Variants in CEACAM18 observed in about 807,000 individuals in gnomAD.
CEACAM18 encodes the protein CEA cell adhesion molecule 18.
CEACAM18 carries 33 observed loss-of-function variants against 34.3 expected under a neutral mutation model. That is an observed-to-expected ratio of 0.96 (90% CI 0.73 to 1.29). The LOEUF (loss-of-function observed/expected upper bound fraction) is 1.29, where lower values mean the gene tolerates loss of function less well. Among genes scored for constraint, CEACAM18 ranks in the 50% most tolerant of loss-of-function variants. CEACAM18 has a pLI of 0.00. For synonymous variants in CEACAM18, 169 were observed against 180.9 expected (o/e 0.93, Z 0.53); for missense variants, 474 against 485.0 (o/e 0.98, Z 0.21).
chr19:51,480,246 C>T (rs535943751), intron 1 of CEACAM18, 87 bp from the exon 2 acceptor site: 2 of 1,130,532 alleles, frequency 1.8e-6, no homozygotes, highest in South Asian at 3.2e-5. Flanking sequence ...GGAATCGTTC[C>T]CGGATGGTGT....
At chr19:51,486,743 A>C (rs1469027749) in intron 5 of CEACAM18, among the ~76,000 whole-genome samples, 1 of 130,762 alleles carries the variant, frequency 7.6e-6, no homozygotes, top group Admixed American at 8.2e-5. Flanking sequence ...TTTTATATGG[A>C]GTCTCTCTCT....
chr19:51,488,806 C>A (rs890410322), intron 5 of CEACAM18, among the ~76,000 whole-genome samples: 4 of 152,046 alleles, frequency 2.6e-5, no homozygotes, highest in African/African-American at 9.7e-5. Flanking sequence ...AGAGCAGGGC[C>A]ATTTCTGTTT....
At chr19:51,480,710 C>A (rs371737497) in intron 2 of CEACAM18, 30 bp downstream of exon 2, 76 of 1,570,184 alleles carry the variant, frequency 4.8e-5, no homozygotes, top group Non-Finnish European at 6.4e-5. Flanking sequence ...GTTTCCCAAC[C>A]CCCAAGGAGA....
chr19:51,489,727 C>T (rs1990059217), intron 5 of CEACAM18, among the ~76,000 whole-genome samples: 1 of 152,168 alleles, frequency 6.6e-6, no homozygotes, highest in Non-Finnish European at 1.5e-5. Context: ...TGGTCCAAAC[C>T]TCACAGGGAT....
chr19:51,490,563 T>G (rs764426702), intron 5 of CEACAM18, 24 bp from the exon 6 acceptor site: 13 of 1,232,198 alleles, frequency 1.1e-5, no homozygotes, highest in Non-Finnish European at 1.3e-5. Context: ...GAGATGTGGC[T>G]TCTTCCCTGA....
chr19:51,486,529 A>G (rs1435528188), intron 5 of CEACAM18, among the ~76,000 whole-genome samples: 1 of 151,036 alleles, frequency 6.6e-6, no homozygotes, highest in African/African-American at 2.4e-5. Context: ...AGCCGATGGA[A>G]CTACTTGAGC....
chr19:51,481,844 C>T (rs761051663), intron 3 of CEACAM18, among the ~76,000 whole-genome samples, 179 bp downstream of exon 3: 18 of 152,290 alleles, frequency 1.2e-4, no homozygotes, highest in Admixed American at 2.0e-4. Flanking sequence ...GGGAGCTGCC[C>T]CTGCTACTCA....
exon 4 of CEACAM18, chr19:51,483,163 C>G (rs61746192): frequency 1.2e-6 from 2 of 1,613,888 alleles, no homozygotes; most frequent in African/African-American, 2.7e-5. Flanking sequence ...TGGCTCCCTC[C>G]TGAACTTCTC....
chr19:51,487,514 C>G (rs1990026193), intron 5 of CEACAM18, among the ~76,000 whole-genome samples: 1 of 151,884 alleles, frequency 6.6e-6, no homozygotes, highest in African/African-American at 2.4e-5. Flanking sequence ...AGCCTGTAAT[C>G]CCAGCATGTT....
At position 51,483,406 on chromosome 19, in the gene CEACAM18, C is replaced by G. The variant is rs566218546; in HGVS notation, c.953+110C>G. ...CACCTCCACTGTGCCATGACATGCT[C>G]TCAACCTCTGGGTGAAATCTCCCAG... On this transcript the variant is annotated intron_variant, in intron 4 of 5. Transcript: ENST00000396477. The G allele has an allele frequency of 2.1e-4, 285 of 1,331,032 alleles. 3 individuals carry two copies. In the South Asian group the frequency reaches 2.5e-3, roughly 12 times the overall value. The allele number at this position is 1,331,032 out of a possible 1,614,324, so 82.5% of individuals were successfully genotyped here. A position where few individuals can be genotyped will look rare whatever the true frequency, so the allele number is the denominator to read the frequency against.
Position 51,481,146 on chromosome 19 carries a change from T to C in CEACAM18, c.401-247T>C, listed in dbSNP as rs150655793. ...TCAGAAACAATGATTAGGCCACATGTTTATGCCAAGAGCTCACCATTATGG... is the reference window on the plus strand; with the variant it reads ...TCAGAAACAATGATTAGGCCACATGCTTATGCCAAGAGCTCACCATTATGG... On this transcript the variant is annotated intron_variant, in intron 2 of 5. Transcript: ENST00000396477. 3.2e-3 allele frequency among the ~76,000 whole-genome samples: 488 copies of C among 152,292 alleles called. 13 individuals carry two copies. Among genetic ancestry groups the C allele is most frequent in the Admixed American group, 0.028 (433 of 15,308 alleles).
rs767506402 is a variant in CEACAM18, at chr19:51,481,746, G to A, written c.673+81G>A. The A allele has an allele frequency of 4.9e-6, 7 of 1,421,280 alleles. No individual in the cohort carries two copies. The South Asian group carries it at 5.7e-5, about 12-fold the overall frequency. The allele number at this position is 1,421,280 out of a possible 1,614,324, so 88.0% of individuals were successfully genotyped here. A position where few individuals can be genotyped will look rare whatever the true frequency, so the allele number is the denominator to read the frequency against. ...GGATAGGAATATGTTAGGACAGGCT[G>A]AGCTGGAGAGAGGGGGCATCCTGGG... On this transcript the variant is annotated intron_variant, in intron 3 of 5. Coordinates refer to ENST00000396477, the Ensembl canonical transcript of CEACAM18.
chr19:51,480,649 C>A (rs774668788), exon 2 of CEACAM18: 87 of 1,613,020 alleles, frequency 5.4e-5, no homozygotes, highest in Non-Finnish European at 7.0e-5. Context: ...GCAATGAGAC[C>A]CAAAGAGCAA....
intron 5 of CEACAM18, among the ~76,000 whole-genome samples, chr19:51,489,120 G>T (rs994473972): frequency 6.7e-6 from 1 of 148,722 alleles, no homozygotes; most frequent in Non-Finnish European, 1.5e-5. Context: ...ACTGAATGAG[G>T]GACAAATGAA....
intron 3 of CEACAM18, 93 bp downstream of exon 3, chr19:51,481,758 G>T: frequency 7.4e-7 from 1 of 1,355,128 alleles, no homozygotes; most frequent in African/African-American, 1.5e-5. Context: ...GCTGGAGAGA[G>T]GGGGCATCCT....
chr19:51,481,705 T>A, intron 3 of CEACAM18, 40 bp downstream of exon 3: 1 of 1,580,726 alleles, frequency 6.3e-7, no homozygotes, highest in Non-Finnish European at 8.6e-7. Flanking sequence ...CCAGGGCTGG[T>A]CTCAGGGCTT....
At chr19:51,490,134 C>T (rs1483947362) in intron 5 of CEACAM18, among the ~76,000 whole-genome samples, 1 of 152,200 alleles carries the variant, frequency 6.6e-6, no homozygotes, top group Admixed American at 6.5e-5. Context: ...GTAACATCAC[C>T]TCTCTGGACC....
Position 51,478,731 on chromosome 19 carries a change from CT to C in CEACAM18, c.52+38del, listed in dbSNP as rs148537865. 1,331 of 1,338,986 alleles carry C rather than the reference CT, an allele frequency of 9.9e-4. 27 individuals carry two copies. In the East Asian group the frequency reaches 0.02, roughly 20 times the overall value. 82.9% of individuals were successfully genotyped at this position (1,338,986 alleles called of 1,614,324 possible). ...TGGATGCTGGATGAGCTTCCCAGGA[CT>C]GAGGGAAGGGCAGCTAGGAGCAAAG... On this transcript the variant is annotated intron_variant, in intron 1 of 5. Transcript: ENST00000396477.
chr19:51,490,605 AGTGT>A lies in CEACAM18; in HGVS notation c.1109_1112del (p.Ser370ThrfsTer27). 8.1e-7 allele frequency: 1 copy of A among 1,232,254 alleles called. No homozygotes were observed. The highest frequency in any genetic ancestry group is 1.0e-6 in the Non-Finnish European group (1 of 988,152). 76.3% of individuals were successfully genotyped at this position (1,232,254 alleles called of 1,614,324 possible). On this transcript the variant is annotated frameshift_variant, in exon 6 of 6. Coordinates refer to ENST00000396477, the Ensembl canonical transcript of CEACAM18. LOFTEE classifies it low-confidence loss of function (END_TRUNC). ...CCCATAGGACAAATCGGGCTCCATG[AGTGT>A]CCACCCCAGACCTGAGGACAAGACC... is the stretch of plus-strand genomic sequence containing the variant.
Sources: gnomAD v4.1 joint callset for allele counts (sites outside exome capture counted in the v4.1 genomes callset) on GRCh38, gnomAD v4.1.1 for gene constraint, MANE v1.5 for transcripts, NCBI Gene and HGNC (gene_info 2026-07-23, HGNC 2026-07-21) for gene names.